COL14A1: variants seen among roughly 807,000 people sequenced by gnomAD.
COL14A1 encodes collagen type XIV alpha 1 chain, also known as collagen alpha-1(XIV) chain.
A neutral mutation model predicts 230.3 loss-of-function variants in COL14A1; 136 were observed. The observed-to-expected ratio is 0.59, with a 90% CI of 0.51 to 0.68. The LOEUF (loss-of-function observed/expected upper bound fraction) is 0.68. Among genes scored for constraint, COL14A1 ranks in the 30% least tolerant of loss-of-function variants. The probability of loss-of-function intolerance (pLI) is 0.00; values close to 1 mark genes in which losing one functional copy is unlikely to be tolerated. For synonymous variants in COL14A1, 792 were observed against 784.1 expected (o/e 1.01, Z -0.17); for missense variants, 1,976 against 2,215.8 (o/e 0.89, Z 2.17).
At chr8:120,353,924 A>G (rs1029271563) in intron 45 of COL14A1, among the ~76,000 whole-genome samples, 22 of 149,286 alleles carry the variant, frequency 1.5e-4, no homozygotes, top group Admixed American at 1.3e-3. Context: ...TCATGCTGCT[A>G]TAAAGACACA....
chr8:120,234,835 C>T (rs538260987), intron 19 of COL14A1, among the ~76,000 whole-genome samples: 9 of 152,202 alleles, frequency 5.9e-5, no homozygotes, highest in African/African-American at 1.9e-4. Context: ...AATAAAAAGA[C>T]TTAAGGAGGA....
chr8:120,371,102 T>C, intron 47 of COL14A1, 50 bp from the exon 48 acceptor site: 1 of 1,467,062 alleles, frequency 6.8e-7, no homozygotes, highest in Non-Finnish European at 9.3e-7. Flanking sequence ...AGAATATCAA[T>C]TTATGATTCC....
chr8:120,214,972 G>A (rs1398575742), intron 13 of COL14A1, among the ~76,000 whole-genome samples: 4 of 152,220 alleles, frequency 2.6e-5, no homozygotes. Context: ...CTATGAATGA[G>A]CATGCGTGGC....
At chr8:120,213,870 T>A (rs971817070) in intron 13 of COL14A1, 1 of 355,476 alleles carries the variant, frequency 2.8e-6, no homozygotes, top group South Asian at 2.2e-5. Flanking sequence ...CAGAAAAATT[T>A]AGAGCCAAAT....
intron 42 of COL14A1, among the ~76,000 whole-genome samples, chr8:120,335,409 G>A (rs956782624): frequency 8.5e-5 from 13 of 152,192 alleles, no homozygotes; most frequent in Non-Finnish European, 1.6e-4. Context: ...TGGCCTATTA[G>A]CATCAGGTAG....
chr8:120,364,716 C>T (rs1823347038), intron 45 of COL14A1, among the ~76,000 whole-genome samples: 1 of 151,988 alleles, frequency 6.6e-6, no homozygotes, highest in Non-Finnish European at 1.5e-5. Context: ...AACGTTGTCT[C>T]TACTAAAAAT....
intron 2 of COL14A1, among the ~76,000 whole-genome samples, chr8:120,152,587 G>T (rs962475557): frequency 3.4e-5 from 5 of 148,792 alleles, no homozygotes; most frequent in African/African-American, 9.8e-5. Flanking sequence ...TATGAAAAAT[G>T]TTCCCTCTCC....
chr8:120,347,154 G>A (rs944423201), intron 45 of COL14A1, among the ~76,000 whole-genome samples: 5 of 152,066 alleles, frequency 3.3e-5, no homozygotes, highest in African/African-American at 9.7e-5. Context: ...GGAAGTCTTA[G>A]CCCCGTTCTT....
At chr8:120,297,047 T>C (rs763786006) in intron 34 of COL14A1, among the ~76,000 whole-genome samples, 10 of 152,018 alleles carry the variant, frequency 6.6e-5, no homozygotes, top group Non-Finnish European at 1.0e-4. Context: ...AAGTGATAAT[T>C]AATTCAATAA....
At chr8:120,184,223 A>ATATT (rs1563657177) in intron 5 of COL14A1, among the ~76,000 whole-genome samples, 1 of 104,218 alleles carries the variant, frequency 9.6e-6, no homozygotes, top group African/African-American at 3.7e-5. Context: ...GGGGGGGAAG[A>ATATT]GATTTATTTA....
intron 29 of COL14A1, 51 bp from the exon 30 acceptor site, chr8:120,280,660 G>A (rs1474900849): frequency 1.2e-5 from 18 of 1,562,100 alleles, no homozygotes; most frequent in Non-Finnish European, 1.6e-5. Flanking sequence ...GAAAGAGTAT[G>A]TTTGTGAAAT....
intron 34 of COL14A1, among the ~76,000 whole-genome samples, chr8:120,293,128 G>C (rs1267594170): frequency 6.6e-6 from 1 of 151,848 alleles, no homozygotes; most frequent in Admixed American, 6.6e-5. Context: ...TGAGCTTCTG[G>C]CATACAATCA....
rs574061078 is a variant in COL14A1, at chr8:120,134,796, G to A, written c.-38+9456G>A. Reference sequence around the variant, plus strand: ...TCGAGACCAGCCTGGCCAACATGGCGAAACCCTGTCTCTACTAAAAATACA... The same window carrying A: ...TCGAGACCAGCCTGGCCAACATGGCAAAACCCTGTCTCTACTAAAAATACA... On this transcript the variant is annotated intron_variant, in intron 1 of 47. Coordinates refer to ENST00000297848, the MANE Select transcript of COL14A1 (RefSeq NM_021110.4). Among the ~76,000 whole-genome samples the A allele has an allele frequency of 1.8e-4, 27 of 152,256 alleles. No individual in the cohort carries two copies. In the East Asian group the frequency reaches 1.9e-3, roughly 11 times the overall value.
Position 120,197,900 on chromosome 8 carries a change from C to T in COL14A1, c.682C>T (p.Leu228Phe). 1.9e-6 allele frequency: 3 copies of T among 1,613,588 alleles called. No individual in the cohort carries two copies. The highest frequency in any genetic ancestry group is 1.7e-6 in the Non-Finnish European group (2 of 1,179,666). ...KDEVIEAVRNLPYKGGNTLTG... is the reference protein window; with the variant it reads ...KDEVIEAVRNFPYKGGNTLTG... ...TGAAGTGATTGAAGCTGTCCGAAAC[C>T]TCCCATATAAAGGAGGAAATACACT... Residue 228 changes from leucine to phenylalanine, a missense_variant, in exon 7 of 48, where the codon CTC becomes TTC. Physicochemically the swap from Leu to Phe is conservative, Grantham distance 22. This residue lies in a region of COL14A1 where 1,791 missense variants were observed against 2,019.5 expected (regional missense o/e 0.89). Transcript: ENST00000297848.
intron 1 of COL14A1, among the ~76,000 whole-genome samples, chr8:120,134,164 G>T (rs558181495): frequency 6.6e-6 from 1 of 152,062 alleles, no homozygotes; most frequent in African/African-American, 2.4e-5. Flanking sequence ...TATAAAAAAG[G>T]TCGATCTACC....
chr8:120,330,785 CAT>C (rs1352531801), intron 40 of COL14A1, among the ~76,000 whole-genome samples: 1 of 152,190 alleles, frequency 6.6e-6, no homozygotes, highest in East Asian at 1.9e-4. Flanking sequence ...GGTAGGGAGA[CAT>C]AATGTGAGTC....
intron 45 of COL14A1, 37 bp from the exon 46 acceptor site, chr8:120,367,130 TAAAA>T: frequency 6.7e-7 from 1 of 1,491,276 alleles, no homozygotes; most frequent in Non-Finnish European, 9.0e-7. Flanking sequence ...GATTTTCTTT[TAAAA>T]AGAACTTTAA....
At chr8:120,357,119 T>G (rs1823015452) in intron 45 of COL14A1, among the ~76,000 whole-genome samples, 1 of 152,200 alleles carries the variant, frequency 6.6e-6, no homozygotes, top group Non-Finnish European at 1.5e-5. Context: ...AAGCAACAAA[T>G]ATATATGATG....
At chr8:120,333,571 A>T (rs535572419) in intron 42 of COL14A1, among the ~76,000 whole-genome samples, 2 of 152,388 alleles carry the variant, frequency 1.3e-5, no homozygotes, top group South Asian at 4.1e-4. Flanking sequence ...ATGGATGAGG[A>T]TGGAAGCATC....
Sources: allele counts gnomAD v4.1 joint callset (sites outside exome capture counted in the v4.1 genomes callset), GRCh38; gene constraint gnomAD v4.1.1; regional missense constraint gnomAD v4.1.1; transcripts MANE v1.5; gene names NCBI Gene and HGNC (gene_info 2026-07-23, HGNC 2026-07-21).